The following EPM2A variants were observed in gnomAD, a reference collection of about 807,000 sequenced individuals.
EPM2A encodes the protein EPM2A glucan phosphatase, laforin.
A neutral mutation model predicts 26.5 loss-of-function variants in EPM2A; 21 were observed. That is an observed-to-expected ratio of 0.79 (90% CI 0.56 to 1.14). The LOEUF is 1.14. Ranked by LOEUF, EPM2A falls within the 50% of genes most tolerant of loss-of-function variation. The probability of loss-of-function intolerance (pLI) is 0.00; values close to 1 mark genes in which losing one functional copy is unlikely to be tolerated. For synonymous variants in EPM2A, 217 were observed against 177.6 expected, an observed-to-expected ratio of 1.22 and a Z score of -1.76; for missense variants, 458 against 440.8, an observed-to-expected ratio of 1.04 and a Z score of -0.35.
chr6:145,475,578 G>A (rs775559565), intron 4 of EPM2A, among the ~76,000 whole-genome samples: 4 of 151,682 alleles, frequency 2.6e-5, no homozygotes, highest in Non-Finnish European at 4.4e-5. Flanking sequence ...AAACCTGCAC[G>A]TTCTGCACAA....
chr6:145,701,731 C>T (rs1781922036), intron 1 of EPM2A, among the ~76,000 whole-genome samples: 1 of 152,186 alleles, frequency 6.6e-6, no homozygotes, highest in African/African-American at 2.4e-5. Flanking sequence ...TATCTTTCTC[C>T]AGCAAGTAAT....
At chr6:145,708,900 T>G (rs1290602121) in intron 1 of EPM2A, among the ~76,000 whole-genome samples, 1 of 152,146 alleles carries the variant, frequency 6.6e-6, no homozygotes. Flanking sequence ...GGCTGGACAC[T>G]GCAAAGTCTT....
At chr6:145,727,746 A>T (rs1776283863) in intron 1 of EPM2A, among the ~76,000 whole-genome samples, 1 of 152,180 alleles carries the variant, frequency 6.6e-6, no homozygotes, top group Admixed American at 6.5e-5. Flanking sequence ...TGCCTACCTA[A>T]AATCTACTCT....
chr6:145,735,263 C>G lies in EPM2A; in HGVS notation c.236G>C (p.Gly79Ala), dbSNP rs1400919753. The G allele has an allele frequency of 6.6e-7, 1 of 1,517,626 alleles. No individual in the cohort carries two copies. The highest frequency in any genetic ancestry group is 8.8e-7 in the Non-Finnish European group (1 of 1,131,436). The allele number at this position is 1,517,626 out of a possible 1,614,324, so 94.0% of individuals were successfully genotyped here. The change falls in exon 1 of 4, where the codon GGC (glycine) becomes GCC (alanine). Residue 79 changes from glycine to alanine, a missense_variant. Physicochemically the swap from Gly to Ala is moderately conservative, Grantham distance 60. Coordinates refer to ENST00000367519, the MANE Select transcript of EPM2A (RefSeq NM_005670.4). ...CTTGTACCAGAACGTGTCCACGCGG[C>G]CCGGCTCCGCCCCGTCCTGCGCCGC... ...EEAAQDGAEP[G>A]RVDTFWYKFL...
intron 2 of EPM2A, among the ~76,000 whole-genome samples, chr6:145,596,779 T>C (rs1470193538): frequency 2.0e-5 from 3 of 151,908 alleles, no homozygotes; most frequent in Non-Finnish European, 4.4e-5. Context: ...CACATTCTGC[T>C]ATCATTTGGA....
intron 2 of EPM2A, among the ~76,000 whole-genome samples, chr6:145,540,002 A>G (rs1486032864): frequency 6.6e-6 from 1 of 152,098 alleles, no homozygotes; most frequent in Non-Finnish European, 1.5e-5. Flanking sequence ...TTCAAACTAG[A>G]CAATCCTTCA....
intron 1 of EPM2A, among the ~76,000 whole-genome samples, chr6:145,686,550 G>C: frequency 6.6e-6 from 1 of 152,058 alleles, no homozygotes; most frequent in Admixed American, 6.6e-5. Flanking sequence ...AACTCTTTCA[G>C]AGCTTCATGG....
At chr6:145,692,747 GCTCT>G (rs1280735655) in intron 1 of EPM2A, among the ~76,000 whole-genome samples, 8 of 151,806 alleles carry the variant, frequency 5.3e-5, no homozygotes, top group Admixed American at 2.0e-4. Context: ...TTATTTCTGG[GCTCT>G]CTATTCTGTT....
At chr6:145,559,019 T>C (rs1420273216) in intron 2 of EPM2A, among the ~76,000 whole-genome samples, 2 of 152,122 alleles carry the variant, frequency 1.3e-5, no homozygotes, top group Non-Finnish European at 2.9e-5. Context: ...CTCCAGTTTA[T>C]ATGTCTGTGA....
intron 4 of EPM2A, among the ~76,000 whole-genome samples, chr6:145,488,370 G>A (rs758052906): frequency 1.3e-4 from 20 of 151,972 alleles, no homozygotes; most frequent in Admixed American, 1.3e-4. Context: ...ATGGTAGTTC[G>A]ATAGGAATAA....
chr6:145,404,039 G>A (rs1245283658), intron 4 of EPM2A, among the ~76,000 whole-genome samples: 2 of 152,016 alleles, frequency 1.3e-5, no homozygotes, highest in Admixed American at 6.6e-5. Context: ...CTTTTCATAT[G>A]CCTGTTTGCC....
chr6:145,625,603 C>A lies in EPM2A; in HGVS notation c.*1813G>T, dbSNP rs1305492085. The A allele has an allele frequency of 5.6e-6, 4 of 714,556 alleles. No individual in the cohort carries two copies. Among genetic ancestry groups the A allele is most frequent in the East Asian group, 2.7e-5 (1 of 37,226 alleles). 44.3% of individuals were successfully genotyped at this position (714,556 alleles called of 1,614,324 possible). ...ACACATTATGACTGTAAATGAGTTA[C>A]CTGAATACCAATTATTACCTCTAGT... On this transcript the variant is annotated 3_prime_UTR_variant, in exon 4 of 4. Coordinates refer to ENST00000367519, the MANE Select transcript of EPM2A (RefSeq NM_005670.4).
rs1316650856 is a variant in EPM2A at position 145,490,542 on chromosome 6, C to T, written c.555+11980G>A. On this transcript the variant is annotated intron_variant, in intron 4 of 4. Coordinates refer to the EPM2A transcript ENST00000638717. ...AGTACTGACATACATAAACTTTCTT[C>T]CCAGTTCTTTGCTTCTTAGTGACTC... 5 of 713,126 alleles carry T rather than the reference C, an allele frequency of 7.0e-6. No individual in the cohort carries two copies. The East Asian group carries it at 1.5e-4, about 21-fold the overall frequency. 44.2% of individuals were successfully genotyped at this position (713,126 alleles called of 1,614,324 possible).
intron 4 of EPM2A, among the ~76,000 whole-genome samples, chr6:145,422,315 G>A (rs992295313): frequency 2.7e-5 from 4 of 146,898 alleles, no homozygotes; most frequent in African/African-American, 9.9e-5. Context: ...ATATATTTTT[G>A]TGTGTATATA....
chr6:145,424,700 T>C (rs1340516686), intron 4 of EPM2A, among the ~76,000 whole-genome samples: 1 of 152,136 alleles, frequency 6.6e-6, no homozygotes, highest in Non-Finnish European at 1.5e-5. Flanking sequence ...AGAGGGGCCA[T>C]CACGTGTGGA....
At position 145,692,301 on chromosome 6, in the gene EPM2A, G is replaced by T. The variant is rs568979333; in HGVS notation, c.302-6005C>A. 3.9e-5 allele frequency among the ~76,000 whole-genome samples: 6 copies of T among 151,956 alleles called. No individual in the cohort carries two copies. The South Asian group carries it at 1.2e-3, about 32-fold the overall frequency. Reference sequence around the variant, plus strand: ...CCTCAACACCTCACCCAAAACAATTGTTAGAACAATTAGACAGAAAATCAG... The same window carrying T: ...CCTCAACACCTCACCCAAAACAATTTTTAGAACAATTAGACAGAAAATCAG... On this transcript the variant is annotated intron_variant, in intron 1 of 3. Coordinates refer to ENST00000367519, the MANE Select transcript of EPM2A (RefSeq NM_005670.4).
At chr6:145,692,917 T>G (rs1466240314) in intron 1 of EPM2A, among the ~76,000 whole-genome samples, 3 of 152,038 alleles carry the variant, frequency 2.0e-5, no homozygotes, top group Non-Finnish European at 4.4e-5. Flanking sequence ...TGATTCCATA[T>G]GAATTTTTAA....
intron 2 of EPM2A, among the ~76,000 whole-genome samples, chr6:145,593,941 A>C (rs7765675): frequency 0.36 from 54,631 of 151,278 alleles, 10,249 homozygotes; most frequent in South Asian, 0.51. Flanking sequence ...AAGAAATTAA[A>C]ATATAAAACA....
chr6:145,711,952 T>C (rs915953711), intron 1 of EPM2A, among the ~76,000 whole-genome samples: 4 of 152,082 alleles, frequency 2.6e-5, no homozygotes, highest in Admixed American at 6.6e-5. Flanking sequence ...CTGAACAAGG[T>C]CTAGTTTGAG....
Sources: allele counts gnomAD v4.1 joint callset (sites outside exome capture counted in the v4.1 genomes callset), GRCh38; gene constraint gnomAD v4.1.1; transcripts MANE v1.5; gene names NCBI Gene and HGNC (gene_info 2026-07-23, HGNC 2026-07-21).